Variants in TSPAN15 observed in about 807,000 individuals in gnomAD.
The protein encoded by TSPAN15 is tetraspanin-15.
A neutral mutation model predicts 34.5 loss-of-function variants in TSPAN15; 20 were observed. The ratio of observed to expected loss-of-function variants is 0.58; its 90% CI spans 0.41 to 0.84. The LOEUF (loss-of-function observed/expected upper bound fraction) is 0.84, where lower values mean the gene tolerates loss of function less well. Ranked by LOEUF, TSPAN15 falls within the 40% of genes least tolerant of loss-of-function variation. The pLI is 0.00. For missense variants in TSPAN15, 313 were observed against 386.1 expected (o/e 0.81, Z 1.59); for synonymous variants, 155 against 153.9 (o/e 1.01, Z -0.05).
At chr10:69,472,329 G>T (rs933003767) in intron 1 of TSPAN15, among the ~76,000 whole-genome samples, 1 of 152,062 alleles carries the variant, frequency 6.6e-6, no homozygotes, top group South Asian at 2.1e-4. Flanking sequence ...AATGGACTCC[G>T]TTCAAACGTA....
chr10:69,524,802 C>T, the TSPAN15 span, among the ~76,000 whole-genome samples: 16 of 129,570 alleles, frequency 1.2e-4, 1 homozygote, highest in Middle Eastern at 4.5e-3. Flanking sequence ...TTTTTTGAGA[C>T]GAAGTCTCGC....
At chr10:69,479,725 T>G (rs931435369) in intron 1 of TSPAN15, among the ~76,000 whole-genome samples, 1 of 152,232 alleles carries the variant, frequency 6.6e-6, no homozygotes, top group Non-Finnish European at 1.5e-5. Context: ...TAAATATCAT[T>G]TGGAAATTTT....
the TSPAN15 span, among the ~76,000 whole-genome samples, chr10:69,543,923 C>A: frequency 7.5e-6 from 1 of 133,716 alleles, no homozygotes; most frequent in South Asian, 2.4e-4. Context: ...CCACCCAGAC[C>A]AGGAAAGGAA....
At position 69,451,485 on chromosome 10, in the gene TSPAN15, C is replaced by G. The variant is rs1043347901; in HGVS notation, c.-110C>G. On this transcript the variant is annotated 5_prime_UTR_variant, in exon 1 of 8. Transcript: ENST00000373290. Reference sequence around the variant, plus strand: ...CCAGTGTCAGTCCCGGAGAGAACGCCGGTGGCGGGGCTGGTAGCCCGGCAG... The same window carrying G: ...CCAGTGTCAGTCCCGGAGAGAACGCGGGTGGCGGGGCTGGTAGCCCGGCAG... 6 of 1,284,848 alleles carry G rather than the reference C, an allele frequency of 4.7e-6. No individual in the cohort carries two copies. The African/African-American group carries it at 9.3e-5, about 20-fold the overall frequency. 79.6% of individuals were successfully genotyped at this position (1,284,848 alleles called of 1,614,324 possible). A position where few individuals can be genotyped will look rare whatever the true frequency, so the allele number is the denominator to read the frequency against.
At chr10:69,486,810 A>C (rs1417648427) in intron 3 of TSPAN15, among the ~76,000 whole-genome samples, 5 of 152,228 alleles carry the variant, frequency 3.3e-5, no homozygotes, top group Non-Finnish European at 7.3e-5. Context: ...CAAGTCTACA[A>C]ACCTGGAATC....
At chr10:69,508,468 A>AAAAAAAAAAAAG (rs1554835861), downstream of TSPAN15, among the ~76,000 whole-genome samples, 43 of 139,316 alleles carry the variant, frequency 3.1e-4, no homozygotes, top group Non-Finnish European at 5.4e-4. Context: ...AAAAAAAAAA[A>AAAAAAAAAAAAG]AAGAAGAAGA....
intron 1 of TSPAN15, among the ~76,000 whole-genome samples, chr10:69,481,299 A>G (rs1841729754): frequency 6.6e-6 from 1 of 152,136 alleles, no homozygotes; most frequent in African/African-American, 2.4e-5. Flanking sequence ...TTGGAAAGGC[A>G]TCCTTCTAGA....
intron 3 of TSPAN15, among the ~76,000 whole-genome samples, chr10:69,493,301 G>T (rs1294531548): frequency 6.6e-6 from 1 of 152,190 alleles, no homozygotes; most frequent in Non-Finnish European, 1.5e-5. Flanking sequence ...GTCCGCGAAG[G>T]GCCATGGGCT....
chr10:69,521,588 TAAATAAATATATA>T, the TSPAN15 span, among the ~76,000 whole-genome samples: 1 of 146,732 alleles, frequency 6.8e-6, no homozygotes, highest in Non-Finnish European at 1.5e-5. Flanking sequence ...AATGAATAAA[TAAATAAATATATA>T]AAATAAATAC....
chr10:69,532,102 C>G, the TSPAN15 span, among the ~76,000 whole-genome samples: 3 of 152,068 alleles, frequency 2.0e-5, no homozygotes, highest in Non-Finnish European at 2.9e-5. Flanking sequence ...GTGAAAATGA[C>G]CATACTGCCA....
chr10:69,468,568 A>G (rs1462082595), intron 1 of TSPAN15, among the ~76,000 whole-genome samples: 1 of 151,828 alleles, frequency 6.6e-6, no homozygotes, highest in African/African-American at 2.4e-5. Flanking sequence ...GGAAGGAGGA[A>G]TTCAAAGAAC....
chr10:69,480,898 A>G (rs1841720653), intron 1 of TSPAN15, among the ~76,000 whole-genome samples: 1 of 152,126 alleles, frequency 6.6e-6, no homozygotes, highest in Non-Finnish European at 1.5e-5. Context: ...GGGTTTTGCC[A>G]TGGTGGCCAG....
chr10:69,533,302 GAT>G, the TSPAN15 span, among the ~76,000 whole-genome samples: 2 of 151,386 alleles, frequency 1.3e-5, no homozygotes, highest in African/African-American at 4.8e-5. Flanking sequence ...AAGAAACTGT[GAT>G]ATATATATAT....
intron 1 of TSPAN15, among the ~76,000 whole-genome samples, chr10:69,461,926 C>A (rs1169517536): frequency 1.4e-5 from 2 of 147,966 alleles, no homozygotes; most frequent in African/African-American, 5.0e-5. Context: ...CCCGCCACCA[C>A]CCCCCCCATC....
intron 5 of TSPAN15, among the ~76,000 whole-genome samples, chr10:69,499,150 G>A (rs1842150718): frequency 6.6e-6 from 1 of 152,236 alleles, no homozygotes; most frequent in African/African-American, 2.4e-5. Flanking sequence ...TTTGACAAAT[G>A]TGTCCAGAAA....
the TSPAN15 span, among the ~76,000 whole-genome samples, chr10:69,516,000 A>C: frequency 4.6e-5 from 7 of 152,366 alleles, no homozygotes; most frequent in Admixed American, 3.9e-4. Context: ...TAGGTGCTCA[A>C]TAAATAATTA....
intron 1 of TSPAN15, among the ~76,000 whole-genome samples, chr10:69,476,864 GT>G (rs1841625142): frequency 6.6e-6 from 1 of 152,090 alleles, no homozygotes; most frequent in Non-Finnish European, 1.5e-5. Context: ...GAGGTTCAGT[GT>G]CCCCAGAACT....
the TSPAN15 span, among the ~76,000 whole-genome samples, chr10:69,538,662 A>G: frequency 6.6e-6 from 1 of 152,234 alleles, no homozygotes; most frequent in Non-Finnish European, 1.5e-5. Context: ...GACCATCACA[A>G]TGACTGACTA....
chr10:69,537,176 T>G, the TSPAN15 span, among the ~76,000 whole-genome samples: 33 of 152,018 alleles, frequency 2.2e-4, no homozygotes, highest in Admixed American at 2.0e-3. Context: ...TTTTAAGAAT[T>G]ATAATAAAGT....
Sources: gnomAD v4.1 joint callset for allele counts (sites outside exome capture counted in the v4.1 genomes callset) on GRCh38, gnomAD v4.1.1 for gene constraint, MANE v1.5 for transcripts, NCBI Gene and HGNC (gene_info 2026-07-23, HGNC 2026-07-21) for gene names.